Variants in CCNI2 observed in about 807,000 individuals in gnomAD.
The protein encoded by CCNI2 is cyclin-I2.
CCNI2 carries 32 observed loss-of-function variants against 33.2 expected under a neutral mutation model. The observed-to-expected ratio is 0.96, with a 90% CI of 0.73 to 1.30. CCNI2 has a LOEUF of 1.30. Among genes scored for constraint, CCNI2 ranks in the 50% most tolerant of loss-of-function variants. CCNI2 has a pLI of 0.00. For synonymous variants in CCNI2, 231 were observed against 219.9 expected (o/e 1.05, Z -0.45); for missense variants, 452 against 486.2 (o/e 0.93, Z 0.66).
chr5:132,753,301 C>T lies in CCNI2; in HGVS notation c.*331C>T. 1 of 286,722 alleles carries T rather than the reference C, an allele frequency of 3.5e-6. No homozygotes were observed. Among genetic ancestry groups the T allele is most frequent in the Non-Finnish European group, 6.8e-6 (1 of 147,488 alleles). The allele number at this position is 286,722 out of a possible 1,614,324, so 17.8% of individuals were successfully genotyped here. Reference sequence around the variant, plus strand: ...TCTCCAGCAAGGGTTGGCATTGGCCCCTGGGAGCGCTGGAATATGAAACCA... The same window carrying T: ...TCTCCAGCAAGGGTTGGCATTGGCCTCTGGGAGCGCTGGAATATGAAACCA... On this transcript the variant is annotated 3_prime_UTR_variant, in exon 6 of 6. Coordinates refer to ENST00000378731, the MANE Select transcript of CCNI2 (RefSeq NM_001039780.4).
downstream of CCNI2, among the ~76,000 whole-genome samples, chr5:132,755,680 A>G (rs1755263242): frequency 6.6e-6 from 1 of 152,162 alleles, no homozygotes; most frequent in Non-Finnish European, 1.5e-5. Flanking sequence ...CCTTTGTGTT[A>G]AGGAGGAACA....
At chr5:132,754,502 G>C, downstream of CCNI2, 1 of 717,496 alleles carries the variant, frequency 1.4e-6, no homozygotes, top group Non-Finnish European at 2.6e-6. Context: ...GATTCTGAGA[G>C]CTGATCCAAC....
At chr5:132,748,891 G>A (rs1754687364) in intron 2 of CCNI2, among the ~76,000 whole-genome samples, 1 of 152,158 alleles carries the variant, frequency 6.6e-6, no homozygotes, top group Admixed American at 6.5e-5. Flanking sequence ...TCGTTGGTCA[G>A]ATCTAAAAAC....
downstream of CCNI2, chr5:132,755,918 G>C: frequency 3.1e-6 from 3 of 954,764 alleles, no homozygotes; most frequent in Non-Finnish European, 3.7e-6. Context: ...CAGACAAGCT[G>C]TATTTTACCA....
At position 132,747,433 on chromosome 5, in the gene CCNI2, C is replaced by T; in HGVS notation, c.-63C>T. ...GGCGGCGCCCCAGGCTGCAGTGTTCCGGGAGCTGGGTTATAAAATGCCGGG... is the reference window on the plus strand; with the variant it reads ...GGCGGCGCCCCAGGCTGCAGTGTTCTGGGAGCTGGGTTATAAAATGCCGGG... On this transcript the variant is annotated 5_prime_UTR_variant, in exon 1 of 6. Transcript: ENST00000378731. The surrounding 1 kb of genome is among the most constrained non-coding windows in gnomAD (Gnocchi z 4.1). The T allele has an allele frequency of 3.0e-6, 4 of 1,351,474 alleles. No homozygotes were observed. The highest frequency in any genetic ancestry group is 3.4e-5 in the South Asian group (2 of 58,534). 83.7% of individuals were successfully genotyped at this position (1,351,474 alleles called of 1,614,324 possible).
Position 132,747,650 on chromosome 5 carries a change from ACC to A in CCNI2, c.156_157del (p.Asn52LysfsTer93), listed in dbSNP as rs1182766538. On this transcript the variant is annotated frameshift_variant, in exon 1 of 6. Transcript: ENST00000378731. LOFTEE classifies it high-confidence loss of function. This position sits in a 1 kb window ranked among gnomAD's most constrained non-coding sequence, Gnocchi z 4.1. ...GGGGAGGCCCCTCTGCCCCGAAGCA[ACC>A]GGAGCAGGTGCCCTGGGACCCGCCA... The A allele has an allele frequency of 6.7e-7, 1 of 1,503,616 alleles. No homozygotes were observed. The allele number at this position is 1,503,616 out of a possible 1,614,324, so 93.1% of individuals were successfully genotyped here. A position where few individuals can be genotyped will look rare whatever the true frequency, so the allele number is the denominator to read the frequency against.
rs143338609 is a variant in CCNI2 at position 132,752,154 on chromosome 5, C to T, written c.963C>T (p.Pro321=). The T allele has an allele frequency of 2.9e-5, 46 of 1,592,394 alleles. No individual in the cohort carries two copies. Among genetic ancestry groups the T allele is most frequent in the East Asian group, 1.1e-4 (5 of 44,364 alleles). ...IITLELERLM[P]GWCAPISDLL... is the part of the protein sequence containing the mutation. ...CCTTAGAGCTGGAGAGGCTCATGCCCGGCTGGTGTGCTCCTATATCTGATC... is the reference window on the plus strand; with the variant it reads ...CCTTAGAGCTGGAGAGGCTCATGCCTGGCTGGTGTGCTCCTATATCTGATC... The change falls in exon 5 of 6, where the codon CCC becomes CCT. Residue 321 remains proline, a synonymous_variant. Transcript: ENST00000378731.
downstream of CCNI2, among the ~76,000 whole-genome samples, chr5:132,755,252 A>T (rs1755222778): frequency 6.6e-6 from 1 of 152,156 alleles, no homozygotes; most frequent in African/African-American, 2.4e-5. Context: ...TCCTTAAAAA[A>T]CAAACCCACA....
chr5:132,751,953 C>A lies in CCNI2; in HGVS notation c.775-13C>A, dbSNP rs1324292764. The A allele has an allele frequency of 6.3e-7, 1 of 1,599,038 alleles. No homozygotes were observed. The highest frequency in any genetic ancestry group is 8.5e-7 in the Non-Finnish European group (1 of 1,172,322). ...GCGTTTTCTGTTCTAACATTAAAAA[C>A]CATGGTCTCCAGTTCCATGCCCTGG... is the stretch of plus-strand genomic sequence containing the variant. On this transcript the variant is annotated splice_polypyrimidine_tract_variant and intron_variant, in intron 4 of 5. Transcript: ENST00000378731.
rs1318371821 is a variant in CCNI2 at position 132,751,137 on chromosome 5, T to A, written c.774+140T>A. 5.7e-6 allele frequency: 5 copies of A among 880,958 alleles called. No individual in the cohort carries two copies. The African/African-American group carries it at 6.8e-5, about 12-fold the overall frequency. The allele number at this position is 880,958 out of a possible 1,614,324, so 54.6% of individuals were successfully genotyped here. On this transcript the variant is annotated intron_variant, in intron 4 of 5. Coordinates refer to ENST00000378731, the MANE Select transcript of CCNI2 (RefSeq NM_001039780.4). ...ACAGTGAGGTGACGCACAAGGCTCA[T>A]GACATACGGAAGAGTGAAAAGGTAT...
At chr5:132,748,577 C>A in intron 2 of CCNI2, 102 bp downstream of exon 2, 1 of 1,445,250 alleles carries the variant, frequency 6.9e-7, no homozygotes, top group Non-Finnish European at 9.4e-7. Context: ...TGCTCAAAAC[C>A]AAGGTGTATA....
rs1755007831 is a variant in CCNI2, at chr5:132,753,132, A to AAGGGGAG, written c.*169_*175dup. 2 of 627,688 alleles carry AAGGGGAG rather than the reference A, an allele frequency of 3.2e-6. No homozygotes were observed. Among genetic ancestry groups the AAGGGGAG allele is most frequent in the Admixed American group, 2.8e-5 (1 of 35,896 alleles). The allele number at this position is 627,688 out of a possible 1,614,324, so 38.9% of individuals were successfully genotyped here. On this transcript the variant is annotated 3_prime_UTR_variant, in exon 6 of 6. Coordinates refer to ENST00000378731, the MANE Select transcript of CCNI2 (RefSeq NM_001039780.4). ...CAACTGAGCCCTTGGAAAAAAAATA[A>AAGGGGAG]AGGGGAGAGGGGAAAGGCAGGCTGA...
intron 5 of CCNI2, 122 bp downstream of exon 5, chr5:132,752,318 G>A: frequency 8.5e-7 from 1 of 1,177,084 alleles, no homozygotes; most frequent in Non-Finnish European, 1.2e-6. Context: ...CCATAACCCT[G>A]GAAAGAGTCT....
chr5:132,748,824 G>T (rs1446359250), intron 2 of CCNI2, among the ~76,000 whole-genome samples: 1 of 152,194 alleles, frequency 6.6e-6, no homozygotes, highest in Non-Finnish European at 1.5e-5. Flanking sequence ...CCTCCAGTCA[G>T]TCCCGAAATG....
chr5:132,755,959 C>CCT, downstream of CCNI2: 1 of 983,114 alleles, frequency 1.0e-6, no homozygotes, highest in South Asian at 4.7e-5. Flanking sequence ...GCTCAGGAAA[C>CCT]GTTAAATCAG....
At position 132,750,973 on chromosome 5, in the gene CCNI2, G is replaced by C. The variant is rs768496912; in HGVS notation, c.750G>C (p.Gly250=). The change falls in exon 4 of 6, where the codon GGG becomes GGC. Residue 250 remains glycine (G), a synonymous_variant. Transcript: ENST00000378731. ...LDRLHWDLYI[G]TPLDFLTIFH... Reference sequence around the variant, plus strand: ...GACTGCACTGGGACCTCTATATTGGGACGCCGCTGGACTTCTTGACTATAG... The same window carrying C: ...GACTGCACTGGGACCTCTATATTGGCACGCCGCTGGACTTCTTGACTATAG... 1.9e-6 allele frequency: 3 copies of C among 1,614,048 alleles called. No homozygotes were observed. The highest frequency in any genetic ancestry group is 1.7e-5 in the Admixed American group (1 of 59,964).
rs1472259885 is a variant in CCNI2 at position 132,753,809 on chromosome 5, A to G, written c.*839A>G. The G allele has an allele frequency of 6.6e-6, 1 of 152,460 alleles. No individual in the cohort carries two copies. Among genetic ancestry groups the G allele is most frequent in the Non-Finnish European group, 1.5e-5 (1 of 68,290 alleles). The allele number at this position is 152,460 out of a possible 1,614,324, so 9.4% of individuals were successfully genotyped here. On this transcript the variant is annotated 3_prime_UTR_variant, in exon 6 of 6. Transcript: ENST00000378731. ...GGAGGAGGAGCCGGCTGCCTCTCTC[A>G]TGCTGTGCTACCACAGAGCCATTCT...
At position 132,747,794 on chromosome 5, in the gene CCNI2, C is replaced by G; in HGVS notation, c.299C>G (p.Ala100Gly). Residue 100 changes from alanine (A) to glycine (G), a missense_variant, in exon 1 of 6, where the codon GCT (alanine) becomes GGT (glycine). Physicochemically the swap from Ala to Gly is moderately conservative, Grantham distance 60. Transcript: ENST00000378731. This position sits in a 1 kb window ranked among gnomAD's most constrained non-coding sequence, Gnocchi z 4.1. ...GTCCCCGCCGCCGCCCCAGAGCAAG[C>G]TCCGCGGCCGGCTCCACAGTCCCGC... Reference protein sequence around the residue: ...DAVPAAAPEQAPRPAPQSRKP... With the variant: ...DAVPAAAPEQGPRPAPQSRKP... The G allele has an allele frequency of 6.8e-7, 1 of 1,477,784 alleles. No individual in the cohort carries two copies. The highest frequency in any genetic ancestry group is 2.9e-5 in the East Asian group (1 of 34,706). The allele number at this position is 1,477,784 out of a possible 1,614,324, so 91.5% of individuals were successfully genotyped here.
Position 132,748,336 on chromosome 5 carries a change from C to T in CCNI2, c.430-11C>T, listed in dbSNP as rs199599883. On this transcript the variant is annotated splice_polypyrimidine_tract_variant and intron_variant, in intron 1 of 5. Transcript: ENST00000378731. ...GACCTTCCTCGCCCCACCTGCTCTT[C>T]TTCCTAGCAGGATGAAATCTGCGAC... is the stretch of plus-strand genomic sequence containing the variant. The T allele has an allele frequency of 4.3e-6, 7 of 1,613,892 alleles. No homozygotes were observed. In the African/African-American group the frequency reaches 5.3e-5, roughly 12 times the overall value.
Sources: gnomAD v4.1 joint callset for allele counts (sites outside exome capture counted in the v4.1 genomes callset) on GRCh38, gnomAD v4.1.1 for gene constraint, Gnocchi (gnomAD v3.1) non-coding constraint, MANE v1.5 for transcripts, NCBI Gene and HGNC (gene_info 2026-07-23, HGNC 2026-07-21) for gene names.